COG7: variants seen among roughly 807,000 people sequenced by gnomAD.
COG7 encodes the protein component of oligomeric golgi complex 7, also known as conserved oligomeric Golgi complex subunit 7.
Under a neutral mutation model 91.5 loss-of-function variants are expected in COG7, and 49 were observed. The observed-to-expected ratio is 0.54, with a 90% CI of 0.43 to 0.68. The LOEUF is 0.68. COG7 is among the 30% of genes least tolerant of loss of function. The probability of loss-of-function intolerance (pLI) is 0.00; values close to 1 mark genes in which losing one functional copy is unlikely to be tolerated. For synonymous variants in COG7, 365 were observed against 388.7 expected (o/e 0.94, Z 0.72); for missense variants, 895 against 961.3 (o/e 0.93, Z 0.91).
chr16:23,392,021 G>C, intron 16 of COG7: 2 of 1,207,792 alleles, frequency 1.7e-6, no homozygotes, highest in Non-Finnish European at 2.1e-6. Context: ...TCCAGCGCCA[G>C]GCATGCCTGG....
chr16:23,440,261 A>G lies in COG7; in HGVS notation c.604+2216T>C, dbSNP rs145854790. 3.6e-4 allele frequency among the ~76,000 whole-genome samples: 54 copies of G among 151,826 alleles called. No individual in the cohort carries two copies. In the East Asian group the frequency reaches 0.01, roughly 28 times the overall value. On this transcript the variant is annotated intron_variant, in intron 4 of 16. Transcript: ENST00000307149. Reference sequence around the variant, plus strand: ...AAAAATTAGCCAGGTGTGGTAGCGCATGTCTGTAATCCCAGCTAGTTGGGA... The same window carrying G: ...AAAAATTAGCCAGGTGTGGTAGCGCGTGTCTGTAATCCCAGCTAGTTGGGA...
chr16:23,416,898 C>T, intron 9 of COG7, 69 bp downstream of exon 9: 4 of 1,575,278 alleles, frequency 2.5e-6, no homozygotes, highest in African/African-American at 1.3e-5. Flanking sequence ...ATACAGAACA[C>T]GTGCATTTTT....
chr16:23,404,912 T>C (rs1220475701), intron 12 of COG7, among the ~76,000 whole-genome samples: 1 of 152,102 alleles, frequency 6.6e-6, no homozygotes, highest in African/African-American at 2.4e-5. Flanking sequence ...AGAGTGAGAC[T>C]CCATCTCAAA....
intron 11 of COG7, among the ~76,000 whole-genome samples, chr16:23,408,581 T>G (rs998466357): frequency 2.0e-5 from 3 of 151,930 alleles, no homozygotes; most frequent in South Asian, 2.1e-4. Context: ...AGTCCAAGAT[T>G]TTTTGTGATG....
intron 4 of COG7, among the ~76,000 whole-genome samples, chr16:23,440,862 C>T (rs983650369): frequency 3.9e-5 from 6 of 152,030 alleles, no homozygotes; most frequent in African/African-American, 7.2e-5. Flanking sequence ...ATATATGCTC[C>T]GGAACAGATA....
chr16:23,448,531 G>A (rs765262441), intron 1 of COG7, among the ~76,000 whole-genome samples: 2 of 152,010 alleles, frequency 1.3e-5, no homozygotes, highest in African/African-American at 2.4e-5. Context: ...CTGCTGGTCT[G>A]GAACTCCTGG....
At chr16:23,435,347 A>G (rs913261312) in intron 4 of COG7, among the ~76,000 whole-genome samples, 6 of 152,224 alleles carry the variant, frequency 3.9e-5, no homozygotes, top group Non-Finnish European at 8.8e-5. Flanking sequence ...AGCCTGGCCA[A>G]CAGAGCAAGA....
intron 8 of COG7, among the ~76,000 whole-genome samples, chr16:23,417,584 T>C (rs1036696697): frequency 5.9e-5 from 9 of 152,214 alleles, no homozygotes; most frequent in East Asian, 1.9e-4. Flanking sequence ...CTGGTCAACA[T>C]GGCGAAACCC....
intron 7 of COG7, among the ~76,000 whole-genome samples, chr16:23,422,261 T>C (rs1963770241): frequency 6.6e-6 from 1 of 151,854 alleles, no homozygotes. Flanking sequence ...TACAGTAAGC[T>C]GTGATAGTGT....
rs187941822 is a variant in COG7 at position 23,390,504 on chromosome 16, C to A, written c.2147-1418G>T. 1.5e-3 allele frequency among the ~76,000 whole-genome samples: 223 copies of A among 150,770 alleles called. 2 individuals are homozygous for A. The highest frequency in any genetic ancestry group is 0.011 in the East Asian group (54 of 5,142). On this transcript the variant is annotated intron_variant, in intron 16 of 16. Coordinates refer to ENST00000307149, the MANE Select transcript of COG7 (RefSeq NM_153603.4). ...CAGGCATGAGCCACCGCGCTCAGTG[C>A]CCCCCCACCGGCTACTTTCTGATCT...
At chr16:23,438,505 C>A (rs1964047618) in intron 4 of COG7, among the ~76,000 whole-genome samples, 1 of 152,090 alleles carries the variant, frequency 6.6e-6, no homozygotes, top group Non-Finnish European at 1.5e-5. Flanking sequence ...CTGCGGTGAG[C>A]CATGATTGCA....
chr16:23,440,954 CA>C (rs1254064846), intron 4 of COG7, among the ~76,000 whole-genome samples: 2 of 151,206 alleles, frequency 1.3e-5, no homozygotes, highest in Admixed American at 1.3e-4. Context: ...AGGGAGCAGG[CA>C]AACATCCAAA....
At chr16:23,449,102 G>A (rs1298144061) in intron 1 of COG7, among the ~76,000 whole-genome samples, 2 of 152,056 alleles carry the variant, frequency 1.3e-5, no homozygotes, top group Admixed American at 6.6e-5. Flanking sequence ...AGTGGCTCAC[G>A]CCTATAATCC....
intron 9 of COG7, chr16:23,415,435 A>G (rs1963636897): frequency 6.6e-6 from 1 of 152,232 alleles, no homozygotes; most frequent in Non-Finnish European, 1.5e-5. Flanking sequence ...ATGGTTTGTC[A>G]TGAAATCTCA....
Position 23,403,780 on chromosome 16 carries a change from G to T in COG7, c.1717C>A (p.Arg573=). 6.2e-7 allele frequency: 1 copy of T among 1,614,208 alleles called. No individual in the cohort carries two copies. The highest frequency in any genetic ancestry group is 1.7e-5 in the Admixed American group (1 of 60,022). Residue 573 remains arginine, a synonymous_variant, in exon 13 of 17, where the codon CGG becomes AGG. Coordinates refer to ENST00000307149, the MANE Select transcript of COG7 (RefSeq NM_153603.4). ...AGCTGGTGGGCCTGCTGGTTAAGCC[G>T]AGTCAGCGCTGCTCGAGGTGCAGCC... ...LLAAPRAALT[R]LNQQAHQLAF...
intron 15 of COG7, among the ~76,000 whole-genome samples, 182 bp from the exon 16 acceptor site, chr16:23,392,705 G>A (rs1294794931): frequency 2.0e-5 from 3 of 152,072 alleles, no homozygotes; most frequent in African/African-American, 4.8e-5. Flanking sequence ...TGAGGCAGGC[G>A]GATCATTTGA....
At chr16:23,444,907 A>C in intron 3 of COG7, 141 bp downstream of exon 3, 1 of 765,626 alleles carries the variant, frequency 1.3e-6, no homozygotes, top group Admixed American at 1.7e-5. Flanking sequence ...CACACCGAGC[A>C]GCTTCAGATC....
intron 8 of COG7, among the ~76,000 whole-genome samples, 177 bp downstream of exon 8, chr16:23,418,523 T>C (rs1963693545): frequency 6.6e-6 from 1 of 151,998 alleles, no homozygotes; most frequent in Admixed American, 6.6e-5. Flanking sequence ...CATCAATCAA[T>C]AGAAAATTGG....
At chr16:23,391,977 G>A (rs1963204709) in intron 16 of COG7, 8 of 1,147,804 alleles carry the variant, frequency 7.0e-6, no homozygotes, top group Admixed American at 7.7e-5. Flanking sequence ...AGGGGAGTTT[G>A]GAATTACATA....
Sources: gnomAD v4.1 joint callset for allele counts (sites outside exome capture counted in the v4.1 genomes callset) on GRCh38, gnomAD v4.1.1 for gene constraint, MANE v1.5 for transcripts, NCBI Gene and HGNC (gene_info 2026-07-23, HGNC 2026-07-21) for gene names.